The following IFT80 variants were observed in gnomAD, a reference collection of about 807,000 sequenced individuals.
IFT80 encodes intraflagellar transport 80, also known as intraflagellar transport protein 80 homolog.
Under a neutral mutation model 107.9 loss-of-function variants are expected in IFT80, and 79 were observed. The observed-to-expected ratio is 0.73, with a 90% confidence interval of 0.61 to 0.88. The LOEUF (loss-of-function observed/expected upper bound fraction) is 0.88. Ranked by LOEUF, IFT80 falls within the 40% of genes least tolerant of loss-of-function variation. IFT80 has a pLI of 0.00. For synonymous variants in IFT80, 299 were observed against 300.9 expected, an observed-to-expected ratio of 0.99 and a Z score of 0.07; for missense variants, 797 against 914.2, an observed-to-expected ratio of 0.87 and a Z score of 1.65.
intron 3 of IFT80, among the ~76,000 whole-genome samples, chr3:160,380,156 C>T (rs1283341093): frequency 6.6e-6 from 1 of 151,848 alleles, no homozygotes; most frequent in Admixed American, 6.6e-5. Flanking sequence ...TCTCAGCCTC[C>T]CAAGTAGCTG....
intron 8 of IFT80, among the ~76,000 whole-genome samples, chr3:160,352,779 T>C (rs1049767361): frequency 2.6e-5 from 4 of 152,214 alleles, no homozygotes; most frequent in Non-Finnish European, 5.9e-5. Flanking sequence ...CAATAAGGAA[T>C]GGAAACTCAG....
intron 9 of IFT80, among the ~76,000 whole-genome samples, chr3:160,308,815 C>T (rs1717017173): frequency 6.6e-6 from 1 of 152,142 alleles, no homozygotes; most frequent in African/African-American, 2.4e-5. Context: ...TAATCACCAA[C>T]ATGACAGTAT....
At chr3:160,368,616 C>T (rs1334372940) in intron 5 of IFT80, among the ~76,000 whole-genome samples, 7 of 151,560 alleles carry the variant, frequency 4.6e-5, no homozygotes, top group South Asian at 2.1e-4. Context: ...TCCAAATGAA[C>T]GAAGTTTAAC....
intron 5 of IFT80, among the ~76,000 whole-genome samples, chr3:160,367,183 T>C (rs911170538): frequency 6.6e-6 from 1 of 152,102 alleles, no homozygotes; most frequent in Non-Finnish European, 1.5e-5. Context: ...CATCTGTTGA[T>C]GGAAACTTAG....
chr3:160,309,800 AT>A (rs766242423), intron 9 of IFT80, among the ~76,000 whole-genome samples: 18 of 152,112 alleles, frequency 1.2e-4, no homozygotes, highest in Non-Finnish European at 2.1e-4. Context: ...AAAACAAGAA[AT>A]CTTAAACAGT....
chr3:160,366,251 G>T, intron 5 of IFT80, 99 bp from the exon 6 acceptor site: 1 of 836,948 alleles, frequency 1.2e-6, no homozygotes, highest in Non-Finnish European at 2.0e-6. Flanking sequence ...GCCATATGAG[G>T]TGTCATTTCA....
chr3:160,301,026 C>G lies in IFT80; in HGVS notation c.1172G>C (p.Gly391Ala). ...ATATGAATATAAATAGATACTACTA[C>G]CATCTACAAGAAGAAAATGTCTAAA... ...QAERHFLLVD[G>A]SSIYLYSYEG... Residue 391 changes from glycine (G) to alanine (A), a missense_variant, in exon 12 of 20, where the codon GGT becomes GCT. By Grantham distance (60) the Gly-to-Ala change is moderately conservative (BLOSUM62 0). Coordinates refer to ENST00000326448, the MANE Select transcript of IFT80 (RefSeq NM_020800.3). The G allele has an allele frequency of 6.3e-7, 1 of 1,582,706 alleles. No homozygotes were observed. The highest frequency in any genetic ancestry group is 1.1e-5 in the South Asian group (1 of 88,528).
intron 12 of IFT80, 23 bp from the exon 13 acceptor site, chr3:160,285,891 A>G: frequency 1.3e-6 from 2 of 1,544,650 alleles, no homozygotes; most frequent in Non-Finnish European, 1.8e-6. Context: ...TAGAACATTA[A>G]TTAATGTGTT....
intron 12 of IFT80, among the ~76,000 whole-genome samples, chr3:160,293,888 AT>A (rs1405153536): frequency 3.3e-5 from 5 of 152,298 alleles, no homozygotes; most frequent in African/African-American, 1.2e-4. Context: ...CCCCAAAAGT[AT>A]TCTCTAGACA....
At chr3:160,299,222 A>G in intron 12 of IFT80, 1 of 1,135,174 alleles carries the variant, frequency 8.8e-7, no homozygotes, top group Non-Finnish European at 1.1e-6. Context: ...TTTCTTAGCC[A>G]AAAAGGAAGT....
intron 6 of IFT80, among the ~76,000 whole-genome samples, chr3:160,358,382 G>A (rs185727664): frequency 1.8e-4 from 27 of 151,390 alleles, no homozygotes; most frequent in South Asian, 8.3e-4. Context: ...CATTCTGTTC[G>A]TCATATTCTT....
At chr3:160,357,002 T>C (rs1721139089) in intron 7 of IFT80, among the ~76,000 whole-genome samples, 1 of 152,244 alleles carries the variant, frequency 6.6e-6, no homozygotes, top group Non-Finnish European at 1.5e-5. Context: ...GGTTAATTTT[T>C]AAAAACATAC....
At position 160,287,009 on chromosome 3, in the gene IFT80, C is replaced by G. The variant is rs1715143007; in HGVS notation, c.1316-1141G>C. 1.3e-5 allele frequency among the ~76,000 whole-genome samples: 2 copies of G among 152,014 alleles called. 1 individual carries two copies. Among genetic ancestry groups the G allele is most frequent in the African/African-American group, 4.8e-5 (2 of 41,392 alleles). On this transcript the variant is annotated intron_variant, in intron 12 of 19. Coordinates refer to ENST00000326448, the MANE Select transcript of IFT80 (RefSeq NM_020800.3). Reference sequence around the variant, plus strand: ...GTCTGAACTTTCAGGTTCCCAGTCTCTGGAGATGGGAAGCAGGCTGCAGAC... The same window carrying G: ...GTCTGAACTTTCAGGTTCCCAGTCTGTGGAGATGGGAAGCAGGCTGCAGAC...
intron 18 of IFT80, among the ~76,000 whole-genome samples, chr3:160,269,222 C>CAAA (rs10539287): frequency 9.5e-6 from 1 of 104,882 alleles, no homozygotes; most frequent in Non-Finnish European, 2.1e-5. Context: ...GAGCGAGACT[C>CAAA]AAAAAAAAAA....
chr3:160,283,941 C>T (rs1714895157), intron 13 of IFT80, among the ~76,000 whole-genome samples: 1 of 152,128 alleles, frequency 6.6e-6, no homozygotes. Context: ...AGAACCGTCT[C>T]CCTTGCCCTA....
At chr3:160,357,725 C>T (rs565630897) in intron 6 of IFT80, 147 bp from the exon 7 acceptor site, 26 of 607,050 alleles carry the variant, frequency 4.3e-5, no homozygotes, top group African/African-American at 2.6e-4. Context: ...ATGTACAATA[C>T]CTCATTTGCT....
rs752617502 is a variant in IFT80, at chr3:160,277,469, C to T, written c.1936G>A (p.Val646Ile). 6 of 1,602,740 alleles carry T rather than the reference C, an allele frequency of 3.7e-6. No homozygotes were observed. Among genetic ancestry groups the T allele is most frequent in the Non-Finnish European group, 4.3e-6 (5 of 1,170,608 alleles). Residue 646 changes from valine to isoleucine, a missense_variant, in exon 18 of 20, where the codon GTT becomes ATT. Transcript: ENST00000326448. ...TTTTTTATAGAATTGATGTACTGAA[C>T]CTTATCAATCTAAAAAAGAAAAGAA... is the stretch of plus-strand genomic sequence containing the variant. ...AYAAIGEIDK[V>I]QYINSIKNLP...
intron 10 of IFT80, among the ~76,000 whole-genome samples, 172 bp from the exon 11 acceptor site, chr3:160,304,161 T>C (rs1716650603): frequency 6.6e-6 from 1 of 152,214 alleles, no homozygotes; most frequent in Non-Finnish European, 1.5e-5. Flanking sequence ...TATATGTCTG[T>C]ATCCCCAACT....
intron 1 of IFT80, among the ~76,000 whole-genome samples, chr3:160,394,504 T>C (rs1713628113): frequency 6.6e-6 from 1 of 152,190 alleles, no homozygotes; most frequent in Non-Finnish European, 1.5e-5. Flanking sequence ...CGAAAGTGTA[T>C]GTGTACGCTG....
Sources: gnomAD v4.1 joint callset for allele counts (sites outside exome capture counted in the v4.1 genomes callset) on GRCh38, gnomAD v4.1.1 for gene constraint, MANE v1.5 for transcripts, NCBI Gene and HGNC (gene_info 2026-07-23, HGNC 2026-07-21) for gene names.